The following OPRM1 variants were observed in gnomAD, a reference collection of about 807,000 sequenced individuals.
The protein encoded by OPRM1 is mu-type opioid receptor.
OPRM1 carries 27 observed loss-of-function variants against 31.8 expected under a neutral mutation model. The observed-to-expected ratio is 0.85, with a 90% CI of 0.63 to 1.17. The LOEUF (loss-of-function observed/expected upper bound fraction) is 1.17, where lower values mean the gene tolerates loss of function less well. Among genes scored for constraint, OPRM1 ranks in the 50% most tolerant of loss-of-function variants. The pLI is 0.00. For synonymous variants in OPRM1, 196 were observed against 189.9 expected (o/e 1.03, Z -0.26); for missense variants, 536 against 511.1 (o/e 1.05, Z -0.47).
intron 1 of OPRM1, chr6:154,073,829 C>G (rs1031723459): frequency 6.6e-6 from 1 of 152,182 alleles, no homozygotes; most frequent in Non-Finnish European, 1.5e-5. Flanking sequence ...ATGGCAAAAA[C>G]TGGTCTCTAT....
intron 1 of OPRM1, chr6:154,086,528 T>C: frequency 2.1e-6 from 2 of 974,008 alleles, no homozygotes; most frequent in Non-Finnish European, 2.4e-6. Flanking sequence ...TAATTAACTA[T>C]GCATAACCAC....
At chr6:154,110,908 A>AG (rs1340543474) in intron 3 of OPRM1, among the ~76,000 whole-genome samples, 1 of 110,612 alleles carries the variant, frequency 9.0e-6, no homozygotes, top group Non-Finnish European at 2.3e-5. Flanking sequence ...AAAAAAAAAA[A>AG]AGAGAGAATT....
rs2128393640 is a variant in OPRM1, at chr6:154,039,484, C to A, written c.-61C>A. The A allele has an allele frequency of 1.9e-6, 3 of 1,561,874 alleles. No individual in the cohort carries two copies. Among genetic ancestry groups the A allele is most frequent in the East Asian group, 2.4e-5 (1 of 41,788 alleles). On this transcript the variant is annotated 5_prime_UTR_variant, in exon 1 of 4. Coordinates refer to ENST00000330432, the MANE Select transcript of OPRM1 (RefSeq NM_000914.5). ...AGGAAGCGGCTGAGGCGCTTGGAAC[C>A]CGAAAAGTCTCGGTGCTCCTGGCTA...
intron 3 of OPRM1, among the ~76,000 whole-genome samples, chr6:154,149,341 A>G (rs1468662794): frequency 2.0e-5 from 3 of 152,162 alleles, no homozygotes; most frequent in African/African-American, 7.2e-5. Context: ...TCACAAGAAC[A>G]GCATGGGGGT....
intron 3 of OPRM1, among the ~76,000 whole-genome samples, chr6:154,109,792 C>CTCTCTGTGTGTGTGTG (rs1358444421): frequency 4.2e-4 from 43 of 101,200 alleles, no homozygotes; most frequent in African/African-American, 1.4e-3. Flanking sequence ...CTCTCTCTCT[C>CTCTCTGTGTGTGTGTG]TGTGTGTGTG....
At chr6:154,064,502 A>G (rs181379401) in intron 1 of OPRM1, among the ~76,000 whole-genome samples, 133 of 152,266 alleles carry the variant, frequency 8.7e-4, no homozygotes, top group Non-Finnish European at 1.4e-3. Context: ...ATGACATGCA[A>G]TGTGTCCATG....
At chr6:154,115,846 C>T (rs1179568965) in intron 3 of OPRM1, among the ~76,000 whole-genome samples, 4 of 152,186 alleles carry the variant, frequency 2.6e-5, no homozygotes, top group Admixed American at 2.6e-4. Context: ...AACTGCCTCC[C>T]TAGGGCCCAC....
At position 154,119,144 on chromosome 6, in the gene OPRM1, A is replaced by G. The variant is rs1797166758; in HGVS notation, c.*423A>G. The G allele has an allele frequency of 7.1e-6, 7 of 990,426 alleles. No individual in the cohort carries two copies. In the South Asian group the frequency reaches 2.8e-4, roughly 40 times the overall value. The allele number at this position is 990,426 out of a possible 1,614,324, so 61.4% of individuals were successfully genotyped here. ...GCTACCTCTGATCAAAGCACCTTGA[A>G]TGGAAGGTCCGAGTCTTTTTAGTGT... On this transcript the variant is annotated 3_prime_UTR_variant, in exon 4 of 4. Transcript: ENST00000330432.
At chr6:154,027,860 A>G (rs189157545) in intron 1 of OPRM1, among the ~76,000 whole-genome samples, 1 of 152,098 alleles carries the variant, frequency 6.6e-6, no homozygotes, top group East Asian at 1.9e-4. Flanking sequence ...CTTGCCTGGG[A>G]CTCACTCTTC....
intron 3 of OPRM1, among the ~76,000 whole-genome samples, chr6:154,144,740 C>T (rs1484486938): frequency 9.4e-6 from 1 of 106,358 alleles, no homozygotes; most frequent in Non-Finnish European, 1.7e-5. Context: ...AAGAGCGAGA[C>T]TCTGTCTCAA....
At position 154,027,846 on chromosome 6, in the gene OPRM1, C is replaced by T. The variant is rs576852760; in HGVS notation, c.1-11315C>T. 3.9e-5 allele frequency among the ~76,000 whole-genome samples: 6 copies of T among 152,296 alleles called. No individual in the cohort carries two copies. The South Asian group carries it at 1.2e-3, about 32-fold the overall frequency. ...CTCTTCAGTCAGCTTGTCATGAGTG[C>T]TACCTTGCCTGGGACTCACTCTTCA... On this transcript the variant is annotated intron_variant, in intron 1 of 5. Coordinates refer to the OPRM1 transcript ENST00000434900.
intron 3 of OPRM1, among the ~76,000 whole-genome samples, chr6:154,225,210 T>C (rs1347717167): frequency 6.6e-6 from 1 of 152,168 alleles, no homozygotes; most frequent in Non-Finnish European, 1.5e-5. Flanking sequence ...GCTCAAAAAC[T>C]TTCAGATTTT....
intron 3 of OPRM1, among the ~76,000 whole-genome samples, chr6:154,097,664 T>C (rs1793632362): frequency 6.6e-6 from 1 of 152,090 alleles, no homozygotes; most frequent in South Asian, 2.1e-4. Context: ...TAAATGTAGG[T>C]TTAAAATTAA....
chr6:154,134,129 C>G (rs1583643606), downstream of OPRM1, among the ~76,000 whole-genome samples: 3 of 152,310 alleles, frequency 2.0e-5, no homozygotes, highest in East Asian at 3.9e-4. Context: ...TTAGATTTGT[C>G]TTTCTGAAAG....
chr6:154,113,523 G>A (rs146094210), intron 3 of OPRM1, among the ~76,000 whole-genome samples: 1 of 152,142 alleles, frequency 6.6e-6, no homozygotes, highest in Non-Finnish European at 1.5e-5. Flanking sequence ...TATGGGCAGG[G>A]TCGCCAAGTA....
At chr6:154,036,921 A>G (rs1174185068), upstream of OPRM1, among the ~76,000 whole-genome samples, 1 of 151,984 alleles carries the variant, frequency 6.6e-6, no homozygotes, top group East Asian at 1.9e-4. Flanking sequence ...TGTATTAAGT[A>G]CTGTGTTAGT....
At position 154,126,398 on chromosome 6, in the gene OPRM1, A is replaced by C. The variant is rs1797588148; in HGVS notation, c.*7677A>C. 6.6e-6 allele frequency among the ~76,000 whole-genome samples: 1 copy of C among 152,216 alleles called. No homozygotes were observed. Among genetic ancestry groups the C allele is most frequent in the African/African-American group, 2.4e-5 (1 of 41,462 alleles). ...TTGTGATTTCACTGTCCAAGAGGAC[A>C]AAGACAAAGAAATTCTGGGAAGGAG... On this transcript the variant is annotated 3_prime_UTR_variant, in exon 4 of 4. Coordinates refer to ENST00000330432, the MANE Select transcript of OPRM1 (RefSeq NM_000914.5).
At chr6:154,117,217 G>A (rs1335103457) in intron 3 of OPRM1, among the ~76,000 whole-genome samples, 1 of 152,160 alleles carries the variant, frequency 6.6e-6, no homozygotes, top group African/African-American at 2.4e-5. Context: ...CAGCTTATGA[G>A]TTCTTGCCTT....
At chr6:154,104,323 T>C (rs1795282954) in intron 3 of OPRM1, among the ~76,000 whole-genome samples, 1 of 152,214 alleles carries the variant, frequency 6.6e-6, no homozygotes, top group Non-Finnish European at 1.5e-5. Context: ...AAGAATATAA[T>C]AGGAATATAT....
Sources: gnomAD v4.1 joint callset for allele counts (sites outside exome capture counted in the v4.1 genomes callset) on GRCh38, gnomAD v4.1.1 for gene constraint, MANE v1.5 for transcripts, NCBI Gene and HGNC (gene_info 2026-07-23, HGNC 2026-07-21) for gene names.